Variants in FAM168A observed in about 807,000 individuals in gnomAD.
FAM168A encodes family with sequence similarity 168 member A, also known as protein FAM168A.
In FAM168A, 3 loss-of-function variants were observed where a neutral mutation model predicts 28.5. That is an observed-to-expected ratio of 0.11 (90% CI 0.05 to 0.27). The LOEUF is 0.27. FAM168A is among the 10% of genes least tolerant of loss of function. The probability of loss-of-function intolerance (pLI) is 1.00; values close to 1 mark genes in which losing one functional copy is unlikely to be tolerated. For missense variants in FAM168A, 222 were observed against 311.5 expected (o/e 0.71, Z 2.16); for synonymous variants, 122 against 124.2 (o/e 0.98, Z 0.12).
chr11:73,467,141 C>T (rs1025655191), intron 2 of FAM168A, among the ~76,000 whole-genome samples: 1 of 151,850 alleles, frequency 6.6e-6, no homozygotes, highest in Non-Finnish European at 1.5e-5. Context: ...GAATCTACAG[C>T]AGGGAATTAA....
chr11:73,540,941 G>A lies in FAM168A; in HGVS notation c.-19+56982C>T, dbSNP rs1177278790. 3.9e-5 allele frequency among the ~76,000 whole-genome samples: 6 copies of A among 152,008 alleles called. No individual in the cohort carries two copies. In the East Asian group the frequency reaches 5.8e-4, roughly 15 times the overall value. Reference sequence around the variant, plus strand: ...TAAATTAGTCCGGGTACGGTGGCTCGTGCCAGTAATCCTAGCACTTTGGGA... The same window carrying A: ...TAAATTAGTCCGGGTACGGTGGCTCATGCCAGTAATCCTAGCACTTTGGGA... On this transcript the variant is annotated intron_variant, in intron 1 of 7. Coordinates refer to ENST00000356467, the MANE Select transcript of FAM168A (RefSeq NM_015159.3).
intron 2 of FAM168A, among the ~76,000 whole-genome samples, chr11:73,436,792 A>G (rs1867094561): frequency 6.6e-6 from 1 of 152,158 alleles, no homozygotes; most frequent in African/African-American, 2.4e-5. Flanking sequence ...CTCAGAGAAA[A>G]TCTCTGGATT....
intron 1 of FAM168A, among the ~76,000 whole-genome samples, chr11:73,546,595 G>A (rs1330490889): frequency 6.6e-6 from 1 of 152,180 alleles, no homozygotes; most frequent in Non-Finnish European, 1.5e-5. Context: ...AGCTGGGTGT[G>A]GTGGCACATG....
At chr11:73,470,591 G>A (rs80273171) in intron 1 of FAM168A, among the ~76,000 whole-genome samples, 12,593 of 152,142 alleles carry the variant, frequency 0.083, 1,579 homozygotes, top group African/African-American at 0.27. Context: ...AAAAGGATGC[G>A]TTTGGCCCCC....
At chr11:73,517,175 G>T (rs530617905) in intron 1 of FAM168A, among the ~76,000 whole-genome samples, 3 of 152,100 alleles carry the variant, frequency 2.0e-5, no homozygotes, top group East Asian at 3.9e-4. Context: ...TCAGCCTCCC[G>T]AGTAGCTAGG....
In FAM168A at chr11:73,404,909, A is replaced by C. The variant is rs1866475116; in HGVS notation, c.*1854T>G. 1 of 152,248 alleles carries C rather than the reference A, an allele frequency of 6.6e-6. No homozygotes were observed. The highest frequency in any genetic ancestry group is 1.5e-5 in the Non-Finnish European group (1 of 68,040). The allele number at this position is 152,248 out of a possible 1,614,324, so 9.4% of individuals were successfully genotyped here. A position where few individuals can be genotyped will look rare whatever the true frequency, so the allele number is the denominator to read the frequency against. ...TCAATGATCCCATTTTTTACAATAA[A>C]ATGTTCGTGCCCCACCCCCAGAGGG... On this transcript the variant is annotated 3_prime_UTR_variant, in exon 8 of 8. Coordinates refer to ENST00000356467, the MANE Select transcript of FAM168A (RefSeq NM_015159.3).
intron 2 of FAM168A, among the ~76,000 whole-genome samples, chr11:73,434,694 C>T (rs1233631083): frequency 6.6e-6 from 1 of 152,186 alleles, no homozygotes; most frequent in Non-Finnish European, 1.5e-5. Flanking sequence ...GACTTCTATT[C>T]TGAGTGAAAT....
chr11:73,464,877 TAA>T (rs201596878), intron 2 of FAM168A, among the ~76,000 whole-genome samples: 3 of 151,038 alleles, frequency 2.0e-5, no homozygotes, highest in East Asian at 3.9e-4. Context: ...TTTTTTTTTT[TAA>T]AACAAATGAT....
Position 73,480,205 on chromosome 11 carries a change from C to T in FAM168A, c.-18-11713G>A, listed in dbSNP as rs1315467900. On this transcript the variant is annotated intron_variant, in intron 1 of 7. Transcript: ENST00000356467. ...ACAGTTACCAGAAAGATCTTTCATGCAAAAGCTCAACACCCAGCTTTGTGC... is the reference window on the plus strand; with the variant it reads ...ACAGTTACCAGAAAGATCTTTCATGTAAAAGCTCAACACCCAGCTTTGTGC... Among the ~76,000 whole-genome samples the T allele has an allele frequency of 2.0e-5, 3 of 152,218 alleles. No homozygotes were observed. The East Asian group carries it at 5.8e-4, about 29-fold the overall frequency.
At chr11:73,474,379 T>G (rs978599121) in intron 1 of FAM168A, among the ~76,000 whole-genome samples, 1 of 152,084 alleles carries the variant, frequency 6.6e-6, no homozygotes, top group South Asian at 2.1e-4. Flanking sequence ...CAGGCTGGAC[T>G]GCAATGTCTA....
At chr11:73,596,615 T>C (rs1420750018) in intron 1 of FAM168A, among the ~76,000 whole-genome samples, 1 of 152,172 alleles carries the variant, frequency 6.6e-6, no homozygotes, top group Non-Finnish European at 1.5e-5. Context: ...ACAGCCTTAC[T>C]GCCTCTCACC....
In FAM168A at chr11:73,480,825, G is replaced by A. The variant is rs867431603; in HGVS notation, c.-18-12333C>T. On this transcript the variant is annotated intron_variant, in intron 1 of 7. Coordinates refer to ENST00000356467, the MANE Select transcript of FAM168A (RefSeq NM_015159.3). ...TGGGTCTACAGACACCAAGTCCAGT[G>A]TTCTTTCTATGATATCATGCTGTTT... Among the ~76,000 whole-genome samples, 4 of 152,318 alleles carry A rather than the reference G, an allele frequency of 2.6e-5. No homozygotes were observed. In the Middle Eastern group the frequency reaches 0.01, roughly 389 times the overall value.
chr11:73,578,283 G>T (rs1565306223), intron 1 of FAM168A, among the ~76,000 whole-genome samples: 1 of 152,218 alleles, frequency 6.6e-6, no homozygotes, highest in East Asian at 1.9e-4. Context: ...TTAAATGGGG[G>T]GGATATGAGG....
At chr11:73,585,473 T>A (rs934305301) in intron 1 of FAM168A, among the ~76,000 whole-genome samples, 4 of 152,238 alleles carry the variant, frequency 2.6e-5, no homozygotes, top group African/African-American at 9.6e-5. Context: ...AGTATGTATT[T>A]CTAAAGAGAT....
intron 1 of FAM168A, among the ~76,000 whole-genome samples, chr11:73,517,424 A>G (rs1165720644): frequency 6.6e-6 from 1 of 152,122 alleles, no homozygotes; most frequent in Non-Finnish European, 1.5e-5. Flanking sequence ...TCGAGAATCC[A>G]GATTACCTGA....
In FAM168A at chr11:73,578,349, T is replaced by C. The variant is rs546717388; in HGVS notation, c.-19+19574A>G. 2.8e-4 allele frequency among the ~76,000 whole-genome samples: 43 copies of C among 152,310 alleles called. 1 individual carries two copies. Among genetic ancestry groups the C allele is most frequent in the African/African-American group, 9.4e-4 (39 of 41,580 alleles). On this transcript the variant is annotated intron_variant, in intron 1 of 7. Transcript: ENST00000356467. The stretch of plus-strand genomic sequence containing the variant: ...ACCAAGAAACTTGGGAGGTGATGGA[T>C]ATGTTCACCATCTGCTTTGTGGTGA...
At chr11:73,468,740 C>A (rs1158839888) in intron 1 of FAM168A, among the ~76,000 whole-genome samples, 1 of 152,238 alleles carries the variant, frequency 6.6e-6, no homozygotes, top group African/African-American at 2.4e-5. Context: ...GGCATTTTGG[C>A]TCTCAGCTCA....
intron 1 of FAM168A, among the ~76,000 whole-genome samples, chr11:73,489,493 C>A (rs907250777): frequency 2.0e-5 from 3 of 151,480 alleles, no homozygotes; most frequent in African/African-American, 7.3e-5. Flanking sequence ...ATTCTCTCCC[C>A]CACACCCCAT....
intron 6 of FAM168A, among the ~76,000 whole-genome samples, chr11:73,409,183 G>T (rs1165295591): frequency 6.6e-6 from 1 of 152,056 alleles, no homozygotes; most frequent in African/African-American, 2.4e-5. Context: ...TTTCCGAAGG[G>T]CCTTGGCTCC....
Sources: allele counts gnomAD v4.1 joint callset (sites outside exome capture counted in the v4.1 genomes callset), GRCh38; gene constraint gnomAD v4.1.1; transcripts MANE v1.5; gene names NCBI Gene and HGNC (gene_info 2026-07-23, HGNC 2026-07-21).